Variants in PRSS23 observed in about 807,000 individuals in gnomAD.
PRSS23 encodes the protein protease, serine 23.
In PRSS23, 25 loss-of-function variants were observed where a neutral mutation model predicts 34.7. That is an observed-to-expected ratio of 0.72 (90% CI 0.53 to 1.01). The LOEUF (loss-of-function observed/expected upper bound fraction) is 1.01. PRSS23 is among the 50% of genes least tolerant of loss of function. The pLI is 0.00. For missense variants in PRSS23, 445 were observed against 475.6 expected, an observed-to-expected ratio of 0.94 and a Z score of 0.60; for synonymous variants, 176 against 186.6, an observed-to-expected ratio of 0.94 and a Z score of 0.46.
At chr11:86,827,251 T>C (rs1162318682) in intron 2 of PRSS23, among the ~76,000 whole-genome samples, 5 of 152,244 alleles carry the variant, frequency 3.3e-5, no homozygotes, top group Non-Finnish European at 7.3e-5. Context: ...AATTTATCCA[T>C]TTCTTCCAGA....
At chr11:86,797,281 C>A (rs558133378), upstream of PRSS23, among the ~76,000 whole-genome samples, 1 of 152,354 alleles carries the variant, frequency 6.6e-6, no homozygotes, top group South Asian at 2.1e-4. Flanking sequence ...GAAAAGCAAA[C>A]CTCTAATCTT....
intron 2 of PRSS23, among the ~76,000 whole-genome samples, chr11:86,918,665 CT>C (rs1336426004): frequency 1.3e-5 from 2 of 152,210 alleles, no homozygotes; most frequent in African/African-American, 4.8e-5. Context: ...TGTGTGCCAG[CT>C]TTACAGCTGT....
intron 2 of PRSS23, among the ~76,000 whole-genome samples, chr11:86,900,053 C>T (rs1311421373): frequency 6.6e-6 from 1 of 152,152 alleles, no homozygotes; most frequent in African/African-American, 2.4e-5. Flanking sequence ...AAGGAGCTGA[C>T]TAAATGCCTC....
At chr11:86,904,369 T>C (rs1002989050) in intron 2 of PRSS23, among the ~76,000 whole-genome samples, 2 of 152,052 alleles carry the variant, frequency 1.3e-5, no homozygotes, top group Non-Finnish European at 2.9e-5. Context: ...CCATCTTGCA[T>C]GTTGTATCCT....
At chr11:86,879,102 A>G (rs28492892) in intron 2 of PRSS23, among the ~76,000 whole-genome samples, 57,641 of 90,566 alleles carry the variant, frequency 0.64, 16,674 homozygotes, top group African/African-American at 0.78. Context: ...AGTGAGGAGC[A>G]CCTCTTCCCG....
In PRSS23 at chr11:86,805,315, G is replaced by A. The variant is rs77702561; in HGVS notation, c.-13-2316G>A. Reference sequence around the variant, plus strand: ...TGCCCCACAGATCTCCTAAAGGGTTGTCATCACCACACCCATTTCACTGCC... The same window carrying A: ...TGCCCCACAGATCTCCTAAAGGGTTATCATCACCACACCCATTTCACTGCC... On this transcript the variant is annotated intron_variant, in intron 1 of 1. Coordinates refer to ENST00000280258, the MANE Select transcript of PRSS23 (RefSeq NM_007173.6). Among the ~76,000 whole-genome samples the A allele has an allele frequency of 9.2e-5, 14 of 152,300 alleles. No homozygotes were observed. In the East Asian group the frequency reaches 2.5e-3, roughly 27 times the overall value.
intron 1 of PRSS23, among the ~76,000 whole-genome samples, chr11:86,792,426 C>T (rs1947957376): frequency 6.6e-6 from 1 of 152,190 alleles, no homozygotes; most frequent in African/African-American, 2.4e-5. Context: ...ACCCTGGATG[C>T]CTCTCTGGCT....
At chr11:86,904,652 G>T (rs181587386) in intron 2 of PRSS23, among the ~76,000 whole-genome samples, 19 of 152,096 alleles carry the variant, frequency 1.2e-4, no homozygotes, top group African/African-American at 9.7e-5. Context: ...TCTGTAGGCC[G>T]GATAGCCTCT....
chr11:86,902,537 A>G (rs779119147), intron 2 of PRSS23, among the ~76,000 whole-genome samples: 9 of 152,206 alleles, frequency 5.9e-5, no homozygotes, highest in Non-Finnish European at 7.3e-5. Flanking sequence ...TAGAAATTGG[A>G]TAATTGGTGA....
chr11:86,821,864 C>A, intron 1 of PRSS23: 4 of 396,874 alleles, frequency 1.0e-5, no homozygotes, highest in South Asian at 6.2e-5. Context: ...GTAAGAGTAC[C>A]AATAATTTTT....
chr11:86,884,450 C>CTCAGG (rs1233264635), intron 2 of PRSS23, among the ~76,000 whole-genome samples: 1 of 152,128 alleles, frequency 6.6e-6, no homozygotes, highest in Non-Finnish European at 1.5e-5. Context: ...CAGGCACGTG[C>CTCAGG]CACCAAACTC....
intron 2 of PRSS23, chr11:86,823,598 GT>G (rs2134876840): frequency 1.4e-6 from 1 of 702,604 alleles, no homozygotes; most frequent in East Asian, 2.7e-5. Flanking sequence ...GAGGAGGTAA[GT>G]TCATATCAGA....
At chr11:86,931,953 G>C (rs1272767327) in intron 2 of PRSS23, among the ~76,000 whole-genome samples, 4 of 152,150 alleles carry the variant, frequency 2.6e-5, no homozygotes, top group Non-Finnish European at 5.9e-5. Flanking sequence ...ATGTATAAGA[G>C]GGCAAACAAT....
At chr11:86,836,550 T>C (rs896484150) in intron 2 of PRSS23, among the ~76,000 whole-genome samples, 4 of 152,196 alleles carry the variant, frequency 2.6e-5, no homozygotes, top group Non-Finnish European at 2.9e-5. Context: ...GGAGTGGGGC[T>C]TTCAGGCATA....
At chr11:86,930,112 T>G (rs1949113820) in intron 2 of PRSS23, among the ~76,000 whole-genome samples, 1 of 152,036 alleles carries the variant, frequency 6.6e-6, no homozygotes, top group Non-Finnish European at 1.5e-5. Context: ...TTTGTGTATA[T>G]GTGTATGTAT....
chr11:86,908,289 A>T (rs564323133), intron 2 of PRSS23, among the ~76,000 whole-genome samples: 1 of 152,362 alleles, frequency 6.6e-6, no homozygotes, highest in East Asian at 1.9e-4. Flanking sequence ...ACTGCTTTCC[A>T]TAGCAGCTTC....
At chr11:86,909,633 C>G (rs1195462217) in intron 2 of PRSS23, 1 of 152,324 alleles carries the variant, frequency 6.6e-6, no homozygotes, top group African/African-American at 2.4e-5. Context: ...CCTGAAAAGA[C>G]ACCTGCCATG....
At position 86,900,887 on chromosome 11, in the gene PRSS23, C is replaced by T. The variant is rs921266809; in HGVS notation, c.207-50329C>T. Among the ~76,000 whole-genome samples the T allele has an allele frequency of 4.1e-5, 6 of 146,568 alleles. No individual in the cohort carries two copies. In the Admixed American group the frequency reaches 4.3e-4, roughly 10 times the overall value. On this transcript the variant is annotated intron_variant, in intron 2 of 2. Coordinates refer to the PRSS23 transcript ENST00000533902. ...GCAACCTCTGCCTCCCAGGTTCAAG[C>T]GATTCTCCTGCCTCAACCTCCCAAG...
chr11:86,879,839 G>C (rs1175098024), intron 2 of PRSS23, among the ~76,000 whole-genome samples: 1 of 105,914 alleles, frequency 9.4e-6, no homozygotes, highest in African/African-American at 3.7e-5. Flanking sequence ...TCAGCCCCCC[G>C]CCCGGCCAGC....
Sources: gnomAD v4.1 joint callset for allele counts (sites outside exome capture counted in the v4.1 genomes callset) on GRCh38, gnomAD v4.1.1 for gene constraint, MANE v1.5 for transcripts, NCBI Gene and HGNC (gene_info 2026-07-23, HGNC 2026-07-21) for gene names.